The following ADAMTSL1 variants were observed in gnomAD, a reference collection of about 807,000 sequenced individuals.
ADAMTSL1 encodes ADAMTS-like protein 1.
A neutral mutation model predicts 201.8 loss-of-function variants in ADAMTSL1; 126 were observed. That is an observed-to-expected ratio of 0.62 (90% CI 0.54 to 0.72). The LOEUF is 0.72. ADAMTSL1 is among the 30% of genes least tolerant of loss of function. The pLI, the probability that ADAMTSL1 is intolerant of heterozygous loss-of-function variation, is 0.00. For synonymous variants in ADAMTSL1, 1,121 were observed against 903.4 expected (o/e 1.24, Z -4.32); for missense variants, 2,679 against 2,277.8 (o/e 1.18, Z -3.59).
chr9:18,446,462 C>T (rs1405348890), intron 2 of ADAMTSL1, among the ~76,000 whole-genome samples: 2 of 152,140 alleles, frequency 1.3e-5, no homozygotes, highest in Non-Finnish European at 2.9e-5. Context: ...ATTTTAAAAT[C>T]AATTAGAATT....
chr9:17,981,956 AC>A (rs757778297), intron 1 of ADAMTSL1, among the ~76,000 whole-genome samples: 2 of 152,174 alleles, frequency 1.3e-5, no homozygotes, highest in Non-Finnish European at 2.9e-5. Context: ...AGGTCAAGCA[AC>A]AAAATCTCAA....
At chr9:18,555,129 C>T (rs1390937253) in intron 3 of ADAMTSL1, among the ~76,000 whole-genome samples, 2 of 151,700 alleles carry the variant, frequency 1.3e-5, no homozygotes, top group African/African-American at 4.8e-5. Flanking sequence ...CTAGTTTATT[C>T]CTTCTCTGAG....
chr9:18,857,414 T>A (rs1826929243), intron 23 of ADAMTSL1, among the ~76,000 whole-genome samples: 1 of 152,210 alleles, frequency 6.6e-6, no homozygotes, highest in Non-Finnish European at 1.5e-5. Context: ...ACCTTAACGC[T>A]TCTGAAGATG....
intron 2 of ADAMTSL1, among the ~76,000 whole-genome samples, chr9:18,369,784 C>T (rs868120663): frequency 2.6e-5 from 4 of 152,120 alleles, no homozygotes; most frequent in Admixed American, 6.6e-5. Context: ...GAAGACAATG[C>T]GGTATCTATA....
intron 1 of ADAMTSL1, among the ~76,000 whole-genome samples, chr9:18,052,159 T>G (rs1821968239): frequency 1.3e-5 from 2 of 152,186 alleles, no homozygotes; most frequent in Admixed American, 1.3e-4. Flanking sequence ...AGTCAATGAG[T>G]CAGTCAACAA....
chr9:18,104,054 T>C (rs1001547754), intron 1 of ADAMTSL1, among the ~76,000 whole-genome samples: 6 of 152,198 alleles, frequency 3.9e-5, no homozygotes, highest in African/African-American at 1.2e-4. Flanking sequence ...TACAATTAAA[T>C]AGTAACATCT....
intron 1 of ADAMTSL1, among the ~76,000 whole-genome samples, chr9:18,125,291 C>T (rs1825686442): frequency 1.3e-5 from 2 of 152,108 alleles, no homozygotes; most frequent in African/African-American, 4.8e-5. Context: ...GAGACTCATT[C>T]ACTACCATGA....
chr9:18,678,313 G>C (rs1372343010), intron 10 of ADAMTSL1, among the ~76,000 whole-genome samples: 1 of 151,938 alleles, frequency 6.6e-6, no homozygotes, highest in African/African-American at 2.4e-5. Flanking sequence ...GCACTTACCT[G>C]GTTACCATCT....
At chr9:18,808,938 G>C (rs565256733) in intron 20 of ADAMTSL1, among the ~76,000 whole-genome samples, 3 of 152,084 alleles carry the variant, frequency 2.0e-5, no homozygotes, top group African/African-American at 4.8e-5. Flanking sequence ...TGCCTCTCAG[G>C]GTTGTTATCC....
At chr9:18,684,642 G>C in intron 12 of ADAMTSL1, 74 bp from the exon 13 acceptor site, 1 of 1,500,510 alleles carries the variant, frequency 6.7e-7, no homozygotes, top group South Asian at 1.3e-5. Context: ...TTGGTGAGGA[G>C]AATAAGGAAT....
intron 15 of ADAMTSL1, among the ~76,000 whole-genome samples, chr9:18,726,914 T>C (rs943991619): frequency 6.6e-6 from 1 of 152,166 alleles, no homozygotes; most frequent in African/African-American, 2.4e-5. Flanking sequence ...AGCCCCAGTC[T>C]CTTTTCTCAG....
chr9:18,219,699 G>A (rs980056589), intron 2 of ADAMTSL1, among the ~76,000 whole-genome samples: 4 of 152,086 alleles, frequency 2.6e-5, no homozygotes, highest in African/African-American at 9.7e-5. Context: ...TTTTAATAAA[G>A]TTTCAAATTT....
At chr9:18,412,115 C>T (rs1311435501) in intron 2 of ADAMTSL1, among the ~76,000 whole-genome samples, 1 of 152,214 alleles carries the variant, frequency 6.6e-6, no homozygotes, top group Non-Finnish European at 1.5e-5. Context: ...ATTGCTTCCT[C>T]ATGGCACCAT....
At chr9:18,511,760 A>T (rs1818036498) in intron 2 of ADAMTSL1, among the ~76,000 whole-genome samples, 2 of 152,334 alleles carry the variant, frequency 1.3e-5, no homozygotes, top group African/African-American at 4.8e-5. Context: ...TATAGGCTTT[A>T]GTTAGCATCT....
chr9:18,538,276 C>T (rs1309793667), intron 3 of ADAMTSL1, among the ~76,000 whole-genome samples: 3 of 152,070 alleles, frequency 2.0e-5, no homozygotes, highest in Non-Finnish European at 2.9e-5. Flanking sequence ...GCCTCATCCT[C>T]AATTTGACAT....
rs376698306 is a variant in ADAMTSL1 at position 18,115,357 on chromosome 9, A to G, written c.88-48505A>G. On this transcript the variant is annotated intron_variant, in intron 1 of 29. Coordinates refer to the ADAMTSL1 transcript ENST00000680146. Reference sequence around the variant, plus strand: ...ATTTCTGGAAGGCAGGCAGGAAGGCAGGCAGGGGGACCTGGCATGCCTCAG... The same window carrying G: ...ATTTCTGGAAGGCAGGCAGGAAGGCGGGCAGGGGGACCTGGCATGCCTCAG... Among the ~76,000 whole-genome samples, 12 of 152,290 alleles carry G rather than the reference A, an allele frequency of 7.9e-5. No homozygotes were observed. The South Asian group carries it at 1.2e-3, about 16-fold the overall frequency.
At chr9:18,161,297 T>C (rs1587192025) in intron 1 of ADAMTSL1, among the ~76,000 whole-genome samples, 1 of 152,040 alleles carries the variant, frequency 6.6e-6, no homozygotes, top group Non-Finnish European at 1.5e-5. Flanking sequence ...ATTTAATTGG[T>C]TTAGCAAAAG....
intron 1 of ADAMTSL1, among the ~76,000 whole-genome samples, chr9:18,110,547 C>T (rs1300499595): frequency 6.6e-6 from 1 of 152,134 alleles, no homozygotes; most frequent in Non-Finnish European, 1.5e-5. Flanking sequence ...ACATCCTGAG[C>T]TTGAGGCTTT....
At position 18,892,583 on chromosome 9, in the gene ADAMTSL1, C is replaced by G. The variant is rs1224484125; in HGVS notation, c.4838C>G (p.Ser1613Cys). The change falls in exon 26 of 29, where the codon TCC (serine) becomes TGC (cysteine). Residue 1613 changes from serine to cysteine, a missense_variant. Ser to Cys is a moderately radical substitution (Grantham distance 112). Transcript: ENST00000380548. Reference sequence around the variant, plus strand: ...CAGCTGTGTGTGGAGTGGGCCTTCTCCAGCTGGGGCCAGGTGAGGAGCCAG... The same window carrying G: ...CAGCTGTGTGTGGAGTGGGCCTTCTGCAGCTGGGGCCAGGTGAGGAGCCAG... ...NQQLCVEWAF[S>C]SWGQCNGPCI... 1 of 1,560,772 alleles carries G rather than the reference C, an allele frequency of 6.4e-7. No homozygotes were observed. Among genetic ancestry groups the G allele is most frequent in the East Asian group, 2.4e-5 (1 of 41,802 alleles).
Sources: allele counts gnomAD v4.1 joint callset (sites outside exome capture counted in the v4.1 genomes callset), GRCh38; gene constraint gnomAD v4.1.1; transcripts MANE v1.5; gene names NCBI Gene and HGNC (gene_info 2026-07-23, HGNC 2026-07-21).